Variants in GLRX3 observed in about 807,000 individuals in gnomAD.
The protein encoded by GLRX3 is glutaredoxin 3.
Under a neutral mutation model 49.5 loss-of-function variants are expected in GLRX3, and 22 were observed. The ratio of observed to expected loss-of-function variants is 0.44; its 90% CI spans 0.32 to 0.63. The LOEUF (loss-of-function observed/expected upper bound fraction) is 0.63. Among genes scored for constraint, GLRX3 ranks in the 30% least tolerant of loss-of-function variants. The pLI is 0.05. For synonymous variants in GLRX3, 133 were observed against 140.0 expected (o/e 0.95, Z 0.35); for missense variants, 385 against 396.3 (o/e 0.97, Z 0.24).
intron 2 of GLRX3, among the ~76,000 whole-genome samples, chr10:130,154,970 G>C (rs1191893481): frequency 6.6e-5 from 10 of 152,096 alleles, no homozygotes; most frequent in African/African-American, 2.4e-4. Context: ...AAGGAAGAGA[G>C]ATCTTTCTTT....
In GLRX3 at chr10:130,166,573, TCTC is replaced by T. The variant is rs1255804984; in HGVS notation, c.546_548del (p.Phe182_Ser183delinsLeu). ...ATTCAGTTTAGCAGTTTTGATATCT[TCTC>T]AGATGAAGAGGTTCGACAGGGACTC... On this transcript the variant is annotated inframe_deletion, in exon 5 of 11. Coordinates refer to ENST00000331244, the MANE Select transcript of GLRX3 (RefSeq NM_006541.5). The T allele has an allele frequency of 6.2e-7, 1 of 1,611,376 alleles. No individual in the cohort carries two copies. Among genetic ancestry groups the T allele is most frequent in the East Asian group, 2.2e-5 (1 of 44,844 alleles).
chr10:130,145,887 C>T (rs866117538), intron 2 of GLRX3, among the ~76,000 whole-genome samples: 9 of 151,850 alleles, frequency 5.9e-5, no homozygotes, highest in African/African-American at 1.9e-4. Context: ...TCTGCCTCCC[C>T]GGTTTAAGCG....
At chr10:130,155,899 T>C (rs1245301916) in intron 2 of GLRX3, among the ~76,000 whole-genome samples, 1 of 152,038 alleles carries the variant, frequency 6.6e-6, no homozygotes, top group South Asian at 2.1e-4. Flanking sequence ...AGAGGAAACA[T>C]GGAGAGCCAA....
chr10:130,174,679 T>C (rs948816845), intron 8 of GLRX3, among the ~76,000 whole-genome samples, 188 bp from the exon 9 acceptor site: 4 of 152,226 alleles, frequency 2.6e-5, no homozygotes, highest in African/African-American at 9.6e-5. Context: ...GATAAAGTCA[T>C]ATGTTGGAAT....
intron 2 of GLRX3, among the ~76,000 whole-genome samples, chr10:130,152,452 C>G (rs568470954): frequency 1.3e-5 from 2 of 152,246 alleles, no homozygotes; most frequent in South Asian, 4.1e-4. Context: ...ACTGGTTGTT[C>G]CTTTCCATGT....
intron 4 of GLRX3, among the ~76,000 whole-genome samples, chr10:130,163,080 T>C (rs1862607761): frequency 6.6e-6 from 1 of 152,172 alleles, no homozygotes; most frequent in Non-Finnish European, 1.5e-5. Flanking sequence ...TTTATTATAA[T>C]GGAGTGAGAT....
At chr10:130,167,327 C>T (rs1032023480) in intron 6 of GLRX3, among the ~76,000 whole-genome samples, 5 of 152,172 alleles carry the variant, frequency 3.3e-5, no homozygotes, top group Non-Finnish European at 1.5e-5. Flanking sequence ...TCGTGTTTTA[C>T]TGGGTGCAGC....
At chr10:130,179,849 C>T (rs770152019), downstream of GLRX3, among the ~76,000 whole-genome samples, 12 of 152,132 alleles carry the variant, frequency 7.9e-5, no homozygotes, top group Non-Finnish European at 1.8e-4. Context: ...GGAAAAACAA[C>T]GGAAATTAGT....
At chr10:130,144,187 A>C (rs1297108519) in intron 1 of GLRX3, among the ~76,000 whole-genome samples, 1 of 152,072 alleles carries the variant, frequency 6.6e-6, no homozygotes, top group Non-Finnish European at 1.5e-5. Flanking sequence ...TATTATTAGT[A>C]ATGTGTCTAC....
intron 1 of GLRX3, among the ~76,000 whole-genome samples, chr10:130,137,144 C>T (rs1354462433): frequency 1.3e-5 from 2 of 152,230 alleles, no homozygotes; most frequent in Admixed American, 1.3e-4. Context: ...TCAGACTTAA[C>T]CTGTTGCCGG....
intron 4 of GLRX3, among the ~76,000 whole-genome samples, chr10:130,164,821 T>A (rs926755432): frequency 1.3e-5 from 2 of 152,222 alleles, no homozygotes; most frequent in African/African-American, 4.8e-5. Context: ...CCAGTTACAG[T>A]AAAAATGAGT....
chr10:130,142,658 C>T (rs963823013), intron 1 of GLRX3, among the ~76,000 whole-genome samples: 1 of 152,236 alleles, frequency 6.6e-6, no homozygotes, highest in African/African-American at 2.4e-5. Flanking sequence ...CCTCAGTGGA[C>T]TGCAGTCTGA....
At position 130,173,257 on chromosome 10, in the gene GLRX3, C is replaced by G. The variant is rs555658814; in HGVS notation, c.825-1610C>G. 1.1e-4 allele frequency among the ~76,000 whole-genome samples: 17 copies of G among 152,300 alleles called. No individual in the cohort carries two copies. The South Asian group carries it at 3.5e-3, about 32-fold the overall frequency. On this transcript the variant is annotated intron_variant, in intron 8 of 10. Transcript: ENST00000331244. ...TGGAACATCTTGGTAACTTGGCTTT[C>G]TGTCCCATATCTGTCTAATCTCCAT...
At chr10:130,150,341 T>C (rs1862350793) in intron 2 of GLRX3, among the ~76,000 whole-genome samples, 2 of 152,146 alleles carry the variant, frequency 1.3e-5, no homozygotes, top group Non-Finnish European at 2.9e-5. Flanking sequence ...CACTTCCAGC[T>C]TACTGCTCCC....
chr10:130,169,461 G>A lies in GLRX3; in HGVS notation c.742G>A (p.Val248Met). Reference sequence around the variant, plus strand: ...CAAAGTGCTGACAAATAAAGCTTCTGTGATGCTCTTTATGAAAGGAAACAA... The same window carrying A: ...CAAAGTGCTGACAAATAAAGCTTCTATGATGCTCTTTATGAAAGGAAACAA... ...RLKVLTNKASVMLFMKGNKQE... is the reference protein window; with the variant it reads ...RLKVLTNKASMMLFMKGNKQE... Residue 248 changes from valine (V) to methionine (M), a missense_variant, in exon 7 of 11, where the codon GTG (valine) becomes ATG (methionine). This residue lies in a region of GLRX3 where 374 missense variants were observed against 358.6 expected (regional missense o/e 1.04). Coordinates refer to ENST00000331244, the MANE Select transcript of GLRX3 (RefSeq NM_006541.5). 1 of 1,611,604 alleles carries A rather than the reference G, an allele frequency of 6.2e-7. No individual in the cohort carries two copies. Among genetic ancestry groups the A allele is most frequent in the Non-Finnish European group, 8.5e-7 (1 of 1,177,694 alleles).
At chr10:130,162,950 A>G (rs1426048906) in intron 4 of GLRX3, among the ~76,000 whole-genome samples, 3 of 152,202 alleles carry the variant, frequency 2.0e-5, no homozygotes, top group Non-Finnish European at 4.4e-5. Flanking sequence ...ATGATTATTC[A>G]AGTAAATTAG....
chr10:130,155,139 C>T (rs904497484), intron 2 of GLRX3, among the ~76,000 whole-genome samples: 2 of 151,940 alleles, frequency 1.3e-5, no homozygotes, highest in African/African-American at 4.8e-5. Context: ...GCCAGCAGGG[C>T]CATTTGAAAA....
At chr10:130,161,231 C>T (rs1333130259) in intron 4 of GLRX3, among the ~76,000 whole-genome samples, 1 of 152,188 alleles carries the variant, frequency 6.6e-6, no homozygotes, top group East Asian at 1.9e-4. Context: ...TCATCTAATT[C>T]AGATTTTTGT....
chr10:130,145,105 G>A (rs767937867), intron 1 of GLRX3, 106 bp from the exon 2 acceptor site: 11 of 510,502 alleles, frequency 2.2e-5, no homozygotes, highest in South Asian at 3.5e-5. Context: ...AACTTCAGAC[G>A]GTTCTTTTAA....
Sources: gnomAD v4.1 joint callset for allele counts (sites outside exome capture counted in the v4.1 genomes callset) on GRCh38, gnomAD v4.1.1 for gene constraint, gnomAD v4.1.1 regional missense constraint, MANE v1.5 for transcripts, NCBI Gene and HGNC (gene_info 2026-07-23, HGNC 2026-07-21) for gene names.